SLC1A3: variants seen among roughly 807,000 people sequenced by gnomAD.
SLC1A3 encodes the protein excitatory amino acid transporter 1.
Under a neutral mutation model 48.1 loss-of-function variants are expected in SLC1A3, and 21 were observed. The observed-to-expected ratio is 0.44, with a 90% CI of 0.31 to 0.63. The LOEUF is 0.63. Among genes scored for constraint, SLC1A3 ranks in the 20% least tolerant of loss-of-function variants. The pLI is 0.08. For missense variants in SLC1A3, 546 were observed against 689.0 expected (o/e 0.79, Z 2.32); for synonymous variants, 239 against 251.4 (o/e 0.95, Z 0.47).
chr5:36,671,371 C>G lies in SLC1A3; in HGVS notation c.524+138C>G. The G allele has an allele frequency of 4.2e-6, 3 of 715,020 alleles. No individual in the cohort carries two copies. In the South Asian group the frequency reaches 4.5e-5, roughly 11 times the overall value. 44.3% of individuals were successfully genotyped at this position (715,020 alleles called of 1,614,324 possible). A position where few individuals can be genotyped will look rare whatever the true frequency, so the allele number is the denominator to read the frequency against. ...TGAAATGAAGGTCATATATCTTTACCTCTTTCTTATAGAAATTGAAGAAAG... is the reference window on the plus strand; with the variant it reads ...TGAAATGAAGGTCATATATCTTTACGTCTTTCTTATAGAAATTGAAGAAAG... On this transcript the variant is annotated intron_variant, in intron 4 of 9. Transcript: ENST00000265113.
intron 8 of SLC1A3, among the ~76,000 whole-genome samples, chr5:36,682,367 G>C (rs1436755817): frequency 6.6e-6 from 1 of 152,204 alleles, no homozygotes; most frequent in Non-Finnish European, 1.5e-5. Flanking sequence ...GAGTAAAAAG[G>C]AAAAGGCTGA....
intron 3 of SLC1A3, among the ~76,000 whole-genome samples, chr5:36,644,796 T>C (rs1262577545): frequency 5.3e-5 from 8 of 152,168 alleles, no homozygotes; most frequent in African/African-American, 1.9e-4. Flanking sequence ...AACCAGGATG[T>C]TAGTCTGTGG....
At chr5:36,606,219 T>A (rs531609446), upstream of SLC1A3, 3 of 152,360 alleles carry the variant, frequency 2.0e-5, no homozygotes, top group African/African-American at 7.2e-5. Context: ...GTAACAGTTG[T>A]ACAACCAGGC....
chr5:36,659,152 T>A (rs1008768542), intron 3 of SLC1A3, among the ~76,000 whole-genome samples: 47 of 152,326 alleles, frequency 3.1e-4, no homozygotes, highest in African/African-American at 1.0e-3. Flanking sequence ...GTAGGCATAA[T>A]GATCAAACAG....
chr5:36,642,104 AC>A (rs1740638399), intron 3 of SLC1A3, among the ~76,000 whole-genome samples: 1 of 152,128 alleles, frequency 6.6e-6, no homozygotes, highest in Admixed American at 6.5e-5. Flanking sequence ...TAATCTATAA[AC>A]CTTTTTTCTC....
chr5:36,615,391 T>C lies in SLC1A3; in HGVS notation c.181+6787T>C, dbSNP rs192563937. On this transcript the variant is annotated intron_variant, in intron 2 of 9. Coordinates refer to ENST00000265113, the MANE Select transcript of SLC1A3 (RefSeq NM_004172.5). ...GTGTTTTGCTTTGTTTTATTTTGTTTTGCTTTGTTTTGTTTCCAGGGCATG... is the reference window on the plus strand; with the variant it reads ...GTGTTTTGCTTTGTTTTATTTTGTTCTGCTTTGTTTTGTTTCCAGGGCATG... Among the ~76,000 whole-genome samples, 587 of 152,308 alleles carry C rather than the reference T, an allele frequency of 3.9e-3. 7 individuals carry two copies. The highest frequency in any genetic ancestry group is 0.014 in the African/African-American group (565 of 41,572).
chr5:36,669,756 G>A lies in SLC1A3; in HGVS notation c.320-1273G>A, dbSNP rs114574594. 334 of 152,162 alleles carry A rather than the reference G, an allele frequency of 2.2e-3. 2 individuals are homozygous for A. The highest frequency in any genetic ancestry group is 7.7e-3 in the African/African-American group (318 of 41,522). 9.4% of individuals were successfully genotyped at this position (152,162 alleles called of 1,614,324 possible). ...TAAGATTTTTGAGCAAACCCAACCAGTTATCTGGCAATCGTAGACACCATT... is the reference window on the plus strand; with the variant it reads ...TAAGATTTTTGAGCAAACCCAACCAATTATCTGGCAATCGTAGACACCATT... On this transcript the variant is annotated intron_variant, in intron 3 of 9. Coordinates refer to ENST00000265113, the MANE Select transcript of SLC1A3 (RefSeq NM_004172.5).
At chr5:36,652,313 C>T (rs558982969) in intron 3 of SLC1A3, among the ~76,000 whole-genome samples, 4 of 127,650 alleles carry the variant, frequency 3.1e-5, no homozygotes, top group Admixed American at 8.0e-5. Flanking sequence ...GTGGCGTGAG[C>T]GCACACACAC....
chr5:36,651,524 A>G (rs1409843180), intron 3 of SLC1A3, among the ~76,000 whole-genome samples: 1 of 143,170 alleles, frequency 7.0e-6, no homozygotes, highest in African/African-American at 2.6e-5. Context: ...CTTATTTCTC[A>G]CTCCTCCTCC....
intron 3 of SLC1A3, chr5:36,667,967 G>C (rs1432047117): frequency 2.0e-5 from 3 of 152,182 alleles, no homozygotes; most frequent in African/African-American, 7.2e-5. Flanking sequence ...TCTCAAATAT[G>C]TATTTAGATG....
At chr5:36,601,016 G>A (rs1423686721) in intron 1 of SLC1A3, among the ~76,000 whole-genome samples, 1 of 152,134 alleles carries the variant, frequency 6.6e-6, no homozygotes, top group African/African-American at 2.4e-5. Flanking sequence ...GCCTGTTTCT[G>A]ACTTACAATA....
Position 36,608,370 on chromosome 5 carries a change from G to A in SLC1A3, c.-54G>A, listed in dbSNP as rs1277454132. 2 of 1,563,032 alleles carry A rather than the reference G, an allele frequency of 1.3e-6. No homozygotes were observed. The highest frequency in any genetic ancestry group is 1.4e-5 in the African/African-American group (1 of 73,750). On this transcript the variant is annotated 5_prime_UTR_variant, in exon 2 of 10. Coordinates refer to ENST00000265113, the MANE Select transcript of SLC1A3 (RefSeq NM_004172.5). ...CAAAGAGGAGGTTTGGCTTTCTGTG[G>A]GTGATTCCCAGACACTGAAGTGCAA...
intron 8 of SLC1A3, among the ~76,000 whole-genome samples, chr5:36,680,917 A>G (rs958397636): frequency 6.7e-4 from 60 of 90,074 alleles, no homozygotes; most frequent in East Asian, 1.9e-3. Flanking sequence ...CTCCATCTCA[A>G]AAAAAAAAAA....
At chr5:36,603,188 A>G (rs2562576), upstream of SLC1A3, among the ~76,000 whole-genome samples, 39,938 of 152,194 alleles carry the variant, frequency 0.26, 7,571 homozygotes, top group African/African-American at 0.53. Flanking sequence ...AGCAGGAACC[A>G]CTACTGGCTC....
chr5:36,680,581 T>A lies in SLC1A3; in HGVS notation c.1281T>A (p.Ile427=), dbSNP rs1270181396. 5 of 1,613,194 alleles carry A rather than the reference T, an allele frequency of 3.1e-6. No homozygotes were observed. The South Asian group carries it at 4.4e-5, about 14-fold the overall frequency. ...TTGAACTGAACTTCGGACAAATTAT[T>A]ACAATCAGGTACAAGGAAAGAGTTC... ...NNFELNFGQI[I]TISITATAAS... Residue 427 remains isoleucine (I), a synonymous_variant, in exon 8 of 10, where the codon ATT becomes ATA. Coordinates refer to ENST00000265113, the MANE Select transcript of SLC1A3 (RefSeq NM_004172.5).
At chr5:36,663,950 T>C (rs545566618) in intron 3 of SLC1A3, among the ~76,000 whole-genome samples, 14 of 152,322 alleles carry the variant, frequency 9.2e-5, no homozygotes, top group Middle Eastern at 3.4e-3. Flanking sequence ...TATTCCCTTG[T>C]TACAATGTCC....
intron 8 of SLC1A3, among the ~76,000 whole-genome samples, chr5:36,683,356 T>A (rs759791990): frequency 6.6e-6 from 1 of 152,114 alleles, no homozygotes; most frequent in South Asian, 2.1e-4. Flanking sequence ...AGAAGACACA[T>A]AGTAAGCACA....
intron 3 of SLC1A3, among the ~76,000 whole-genome samples, chr5:36,640,641 G>C (rs975731093): frequency 2.6e-5 from 4 of 152,150 alleles, no homozygotes; most frequent in Non-Finnish European, 5.9e-5. Flanking sequence ...GTCAAAAAGA[G>C]CTGTTGGCTA....
intron 3 of SLC1A3, chr5:36,629,864 T>A: frequency 2.3e-6 from 1 of 440,310 alleles, no homozygotes; most frequent in African/African-American, 2.0e-5. Context: ...CACCACACCA[T>A]CAGCCTTCTC....
Sources: gnomAD v4.1 joint callset for allele counts (sites outside exome capture counted in the v4.1 genomes callset) on GRCh38, gnomAD v4.1.1 for gene constraint, MANE v1.5 for transcripts, NCBI Gene and HGNC (gene_info 2026-07-23, HGNC 2026-07-21) for gene names.